The following TSEN2 variants were observed in gnomAD, a reference collection of about 807,000 sequenced individuals.
TSEN2 encodes the protein tRNA-splicing endonuclease subunit Sen2.
Under a neutral mutation model 59.2 loss-of-function variants are expected in TSEN2, and 54 were observed. The ratio of observed to expected loss-of-function variants is 0.91; its 90% CI spans 0.73 to 1.14. TSEN2 has a LOEUF of 1.14. Ranked by LOEUF, TSEN2 falls within the 50% of genes most tolerant of loss-of-function variation. The pLI is 0.00. For synonymous variants in TSEN2, 195 were observed against 198.2 expected (o/e 0.98, Z 0.14); for missense variants, 636 against 576.2 (o/e 1.10, Z -1.06).
chr3:12,480,528 G>GGTTTTTTTT (rs1553565213), upstream of TSEN2, among the ~76,000 whole-genome samples: 19 of 91,750 alleles, frequency 2.1e-4, no homozygotes, highest in African/African-American at 6.5e-4. Context: ...TTGTTTCTTT[G>GGTTTTTTTT]TTTTTTTTTT....
At chr3:12,539,370 G>A (rs903650084) in exon 11 of TSEN2, 2 of 310,652 alleles carry the variant, frequency 6.4e-6, no homozygotes, top group Admixed American at 4.8e-5. Flanking sequence ...CTGACCTCAA[G>A]TGATCTGCCC....
intron 8 of TSEN2, among the ~76,000 whole-genome samples, chr3:12,523,526 CTTTTTTTT>C (rs546904336): frequency 9.0e-4 from 42 of 46,480 alleles, no homozygotes; most frequent in Middle Eastern, 0.021. Context: ...CTCTTTGATT[CTTTTTTTT>C]TTTTTTTTTT....
intron 10 of TSEN2, chr3:12,530,228 A>G (rs1180949108): frequency 1.9e-6 from 2 of 1,040,616 alleles, no homozygotes; most frequent in African/African-American, 3.4e-5. Flanking sequence ...TCATACACAT[A>G]TTCACAAAGG....
chr3:12,508,584 A>G (rs1224293873), intron 6 of TSEN2, among the ~76,000 whole-genome samples: 2 of 152,168 alleles, frequency 1.3e-5, no homozygotes, highest in Non-Finnish European at 2.9e-5. Context: ...CAGCTAACTT[A>G]GAAGTCTGCT....
chr3:12,525,219 G>T (rs1418862617), intron 8 of TSEN2, among the ~76,000 whole-genome samples: 2 of 152,176 alleles, frequency 1.3e-5, no homozygotes, highest in Admixed American at 6.5e-5. Flanking sequence ...ATTGGAGTGT[G>T]TCAGGAAGTG....
chr3:12,527,647 TAA>T (rs2057195995), intron 8 of TSEN2, among the ~76,000 whole-genome samples: 1 of 152,138 alleles, frequency 6.6e-6, no homozygotes. Flanking sequence ...TAGTTGTATA[TAA>T]ACCCTAAGTC....
intron 6 of TSEN2, among the ~76,000 whole-genome samples, chr3:12,513,995 A>G (rs1239016404): frequency 6.6e-6 from 1 of 152,226 alleles, no homozygotes. Context: ...CAACACAAGC[A>G]TTGAACACCC....
At chr3:12,506,693 T>C (rs1231993113) in intron 6 of TSEN2, 3 of 985,370 alleles carry the variant, frequency 3.0e-6, no homozygotes, top group African/African-American at 3.5e-5. Context: ...CCTCTTTTCT[T>C]GCTTATGTTG....
chr3:12,539,225 C>A, exon 11 of TSEN2: 1 of 411,254 alleles, frequency 2.4e-6, no homozygotes, highest in Admixed American at 3.2e-5. Flanking sequence ...CCTCTGCCTG[C>A]TGGGTTTAAG....
intron 8 of TSEN2, among the ~76,000 whole-genome samples, chr3:12,522,049 G>A (rs895410769): frequency 6.6e-6 from 1 of 151,700 alleles, no homozygotes; most frequent in Non-Finnish European, 1.5e-5. Flanking sequence ...TAAAAATTAA[G>A]ATATTTTGAG....
rs777047069 is a variant in TSEN2 at position 12,529,867 on chromosome 3, C to G, written c.1242C>G (p.Val414=). The part of the protein sequence containing the change: ...LAALSRVSVN[V]SKELMLCYLI... Reference sequence around the variant, plus strand: ...CCTTGAGCAGAGTTTCCGTTAATGTCTCTAAGGTAACACAACATCAGCTTT... The same window carrying G: ...CCTTGAGCAGAGTTTCCGTTAATGTGTCTAAGGTAACACAACATCAGCTTT... The change falls in exon 10 of 12, where the codon GTC becomes GTG. Residue 414 remains valine (V), a synonymous_variant. Coordinates refer to ENST00000284995, the MANE Select transcript of TSEN2 (RefSeq NM_025265.4). 2 of 1,613,878 alleles carry G rather than the reference C, an allele frequency of 1.2e-6. No individual in the cohort carries two copies. The highest frequency in any genetic ancestry group is 1.7e-6 in the Non-Finnish European group (2 of 1,179,992).
At chr3:12,516,222 A>C (rs2056057530) in intron 6 of TSEN2, among the ~76,000 whole-genome samples, 1 of 152,184 alleles carries the variant, frequency 6.6e-6, no homozygotes, top group East Asian at 1.9e-4. Context: ...CAGGAGATCG[A>C]GACCATCCTG....
intron 3 of TSEN2, 64 bp downstream of exon 3, chr3:12,492,281 A>G (rs2053293511): frequency 2.1e-6 from 3 of 1,412,900 alleles, no homozygotes; most frequent in Non-Finnish European, 3.0e-6. Flanking sequence ...TTTTGATCTT[A>G]TATCTCAGGC....
intron 3 of TSEN2, among the ~76,000 whole-genome samples, chr3:12,494,312 G>A (rs544078732): frequency 1.1e-4 from 16 of 152,340 alleles, no homozygotes; most frequent in African/African-American, 1.4e-4. Context: ...GCTGGTAAGC[G>A]AAGACAGCAC....
intron 1 of TSEN2, among the ~76,000 whole-genome samples, chr3:12,488,247 C>A (rs563306749): frequency 3.3e-5 from 5 of 152,308 alleles, no homozygotes; most frequent in Non-Finnish European, 5.9e-5. Context: ...AGTGCAGGAG[C>A]CACCTAAGTA....
intron 8 of TSEN2, among the ~76,000 whole-genome samples, chr3:12,521,484 G>A (rs904123182): frequency 2.0e-5 from 3 of 152,208 alleles, no homozygotes; most frequent in African/African-American, 7.2e-5. Context: ...GGAGGCCGAG[G>A]CAGGTGGGTC....
intron 10 of TSEN2, chr3:12,530,229 T>G: frequency 9.6e-7 from 1 of 1,039,720 alleles, no homozygotes; most frequent in Non-Finnish European, 1.2e-6. Context: ...CATACACATA[T>G]TCACAAAGGA....
intron 8 of TSEN2, among the ~76,000 whole-genome samples, chr3:12,522,390 A>G (rs1028958113): frequency 6.6e-6 from 1 of 152,132 alleles, no homozygotes; most frequent in African/African-American, 2.4e-5. Flanking sequence ...TAATTGTACA[A>G]TTAATGTGGG....
Position 12,533,161 on chromosome 3 carries a change from G to T in TSEN2, c.*440G>T, listed in dbSNP as rs2057568106. The T allele has an allele frequency of 2.1e-5, 5 of 239,236 alleles. No individual in the cohort carries two copies. The highest frequency in any genetic ancestry group is 9.0e-5 in the African/African-American group (4 of 44,638). 14.8% of individuals were successfully genotyped at this position (239,236 alleles called of 1,614,324 possible). A position where few individuals can be genotyped will look rare whatever the true frequency, so the allele number is the denominator to read the frequency against. ...ACCTACATCTAAGCTGTTCCCGAAAGAGTGTTACAGAACACAACAGTATTG... is the reference window on the plus strand; with the variant it reads ...ACCTACATCTAAGCTGTTCCCGAAATAGTGTTACAGAACACAACAGTATTG... On this transcript the variant is annotated 3_prime_UTR_variant, in exon 12 of 12. Transcript: ENST00000284995.
Sources: allele counts gnomAD v4.1 joint callset (sites outside exome capture counted in the v4.1 genomes callset), GRCh38; gene constraint gnomAD v4.1.1; transcripts MANE v1.5; gene names NCBI Gene and HGNC (gene_info 2026-07-23, HGNC 2026-07-21).